The following PDE12 variants were observed in gnomAD, a reference collection of about 807,000 sequenced individuals.
PDE12 encodes the protein phosphodiesterase 12.
Under a neutral mutation model 45.4 loss-of-function variants are expected in PDE12, and 26 were observed. The ratio of observed to expected loss-of-function variants is 0.57; its 90% CI spans 0.42 to 0.79. The LOEUF (loss-of-function observed/expected upper bound fraction) is 0.79. PDE12 is among the 30% of genes least tolerant of loss of function. The probability of loss-of-function intolerance (pLI) is 0.00; values close to 1 mark genes in which losing one functional copy is unlikely to be tolerated. For synonymous variants in PDE12, 283 were observed against 323.9 expected, an observed-to-expected ratio of 0.87 and a Z score of 1.36; for missense variants, 668 against 790.0, an observed-to-expected ratio of 0.85 and a Z score of 1.85.
At chr3:57,646,571 A>G in the PDE12 span, 2 of 1,261,868 alleles carry the variant, frequency 1.6e-6, no homozygotes, top group African/African-American at 3.0e-5. Flanking sequence ...CTGATACACA[A>G]ATTCATTTAG....
chr3:57,604,396 T>C, the PDE12 span, among the ~76,000 whole-genome samples: 1 of 152,096 alleles, frequency 6.6e-6, no homozygotes, highest in Non-Finnish European at 1.5e-5. Flanking sequence ...CACCTAATGT[T>C]AAATTCATGT....
chr3:57,558,528 T>C (rs2069690721), intron 1 of PDE12, among the ~76,000 whole-genome samples: 1 of 140,634 alleles, frequency 7.1e-6, no homozygotes, highest in Non-Finnish European at 1.6e-5. Flanking sequence ...GGAGTCTCTG[T>C]CACCTAGGCT....
At chr3:57,601,600 C>T in the PDE12 span, among the ~76,000 whole-genome samples, 1 of 152,130 alleles carries the variant, frequency 6.6e-6, no homozygotes, top group Non-Finnish European at 1.5e-5. Context: ...CCTTGAGCAT[C>T]TGCAGATTTT....
the PDE12 span, among the ~76,000 whole-genome samples, chr3:57,616,921 G>A: frequency 6.6e-6 from 1 of 152,080 alleles, no homozygotes; most frequent in Non-Finnish European, 1.5e-5. Context: ...CTACTCAAGA[G>A]GCTAAGGCAG....
downstream of PDE12, chr3:57,571,655 CA>C (rs1284320940): frequency 6.5e-6 from 1 of 152,778 alleles, no homozygotes; most frequent in Non-Finnish European, 1.5e-5. Flanking sequence ...ATCCAAACCC[CA>C]CCAAGGTTAA....
the PDE12 span, among the ~76,000 whole-genome samples, chr3:57,601,465 C>T: frequency 0.025 from 3,864 of 151,942 alleles, 158 homozygotes; most frequent in African/African-American, 0.088. Flanking sequence ...ATGGAATTTA[C>T]ATTCCAGTCC....
the PDE12 span, among the ~76,000 whole-genome samples, chr3:57,656,161 T>C: frequency 6.6e-6 from 1 of 152,178 alleles, no homozygotes; most frequent in South Asian, 2.1e-4. Flanking sequence ...CCTCACGAAA[T>C]GCCCGCAGCC....
the PDE12 span, among the ~76,000 whole-genome samples, chr3:57,644,357 G>C: frequency 6.6e-6 from 1 of 151,936 alleles, no homozygotes; most frequent in Non-Finnish European, 1.5e-5. Context: ...CAGGGCTGGA[G>C]TCCAGTGGCA....
rs1278022994 is a variant in PDE12, at chr3:57,562,084, G to A, written c.*2080G>A. 2.0e-6 allele frequency: 2 copies of A among 981,268 alleles called. No individual in the cohort carries two copies. Among genetic ancestry groups the A allele is most frequent in the Non-Finnish European group, 2.4e-6 (2 of 827,134 alleles). 60.8% of individuals were successfully genotyped at this position (981,268 alleles called of 1,614,324 possible). Reference sequence around the variant, plus strand: ...TTTTCATTTTAAAAATATGTTTTTGGGCTGTTTTCAAAGAAAGATGTTGAT... The same window carrying A: ...TTTTCATTTTAAAAATATGTTTTTGAGCTGTTTTCAAAGAAAGATGTTGAT... On this transcript the variant is annotated 3_prime_UTR_variant, in exon 3 of 3. Transcript: ENST00000311180.
chr3:57,641,405 A>G, the PDE12 span, among the ~76,000 whole-genome samples: 2 of 147,098 alleles, frequency 1.4e-5, no homozygotes, highest in South Asian at 2.1e-4. Flanking sequence ...CTATAATTCT[A>G]TAAGTGTTAT....
At chr3:57,649,651 T>G in the PDE12 span, among the ~76,000 whole-genome samples, 1 of 149,698 alleles carries the variant, frequency 6.7e-6, no homozygotes, top group Non-Finnish European at 1.5e-5. Context: ...AATATATATA[T>G]ATATAGTTGT....
At chr3:57,572,292 C>G in the PDE12 span, 1 of 1,612,766 alleles carries the variant, frequency 6.2e-7, no homozygotes, top group African/African-American at 1.3e-5. Context: ...GTGGCTTGAA[C>G]ATACCACTGT....
At chr3:57,583,315 T>C in the PDE12 span, among the ~76,000 whole-genome samples, 1 of 152,172 alleles carries the variant, frequency 6.6e-6, no homozygotes, top group Admixed American at 6.5e-5. Flanking sequence ...ATTCAAGTCA[T>C]CTAGGGGATG....
At chr3:57,641,954 A>C in the PDE12 span, among the ~76,000 whole-genome samples, 1 of 152,174 alleles carries the variant, frequency 6.6e-6, no homozygotes, top group Non-Finnish European at 1.5e-5. Context: ...CCAGCAGCAC[A>C]CAGGAAGAAA....
In PDE12 at chr3:57,560,727, A is replaced by G; in HGVS notation, c.*723A>G. 1.0e-6 allele frequency: 1 copy of G among 984,324 alleles called. No homozygotes were observed. Among genetic ancestry groups the G allele is most frequent in the Non-Finnish European group, 1.2e-6 (1 of 828,574 alleles). 61.0% of individuals were successfully genotyped at this position (984,324 alleles called of 1,614,324 possible). A position where few individuals can be genotyped will look rare whatever the true frequency, so the allele number is the denominator to read the frequency against. On this transcript the variant is annotated 3_prime_UTR_variant, in exon 3 of 3. Transcript: ENST00000311180. ...TTTTTCTTTCATGACAACACATTCC[A>G]AAATGAATCATGCTTATGTACTAAG... is the stretch of plus-strand genomic sequence containing the variant.
rs1463883913 is a variant in PDE12, at chr3:57,565,925, C to T, written c.*5921C>T. 1 of 152,150 alleles carries T rather than the reference C, an allele frequency of 6.6e-6. No homozygotes were observed. Among genetic ancestry groups the T allele is most frequent in the African/African-American group, 2.4e-5 (1 of 41,438 alleles). The allele number at this position is 152,150 out of a possible 1,614,324, so 9.4% of individuals were successfully genotyped here. ...AAATCAGTTAGAAATAAACAGTGGC[C>T]TTCCTCAGAAAAGCTGGGCTATAGT... On this transcript the variant is annotated 3_prime_UTR_variant, in exon 3 of 3. Transcript: ENST00000311180.
the PDE12 span, among the ~76,000 whole-genome samples, chr3:57,578,617 C>G: frequency 3.3e-5 from 5 of 152,014 alleles, no homozygotes; most frequent in Non-Finnish European, 5.9e-5. Flanking sequence ...GTAGCTGGGA[C>G]TACAGGTGCG....
Position 57,556,790 on chromosome 3 carries a change from C to T in PDE12, c.411C>T (p.Leu137=), listed in dbSNP as rs2069666377. 4 of 1,611,976 alleles carry T rather than the reference C, an allele frequency of 2.5e-6. No homozygotes were observed. Among genetic ancestry groups the T allele is most frequent in the Non-Finnish European group, 3.4e-6 (4 of 1,178,680 alleles). The change falls in exon 1 of 3, where the codon CTC becomes CTT. Residue 137 remains leucine, a synonymous_variant. Coordinates refer to ENST00000311180, the MANE Select transcript of PDE12 (RefSeq NM_177966.7). This position sits in a 1 kb window ranked among gnomAD's most constrained non-coding sequence, Gnocchi z 5.0. ...YREEAVAEDV[L]NVDAWQDGAV... ...AAGAGGCAGTGGCTGAGGACGTGCT[C>T]AACGTGGATGCCTGGCAAGACGGCG...
chr3:57,586,057 C>T, the PDE12 span, among the ~76,000 whole-genome samples: 1 of 152,128 alleles, frequency 6.6e-6, no homozygotes, highest in African/African-American at 2.4e-5. Context: ...AGAGGCTATA[C>T]CTCCTTGTAG....
Sources: allele counts gnomAD v4.1 joint callset (sites outside exome capture counted in the v4.1 genomes callset), GRCh38; gene constraint gnomAD v4.1.1; non-coding constraint Gnocchi (gnomAD v3.1); transcripts MANE v1.5; gene names NCBI Gene and HGNC (gene_info 2026-07-23, HGNC 2026-07-21).